DST: variants seen among roughly 807,000 people sequenced by gnomAD.
DST encodes bullous pemphigoid antigen.
DST carries 253 observed loss-of-function variants against 875.2 expected under a neutral mutation model. The observed-to-expected ratio is 0.29, with a 90% CI of 0.26 to 0.32. DST has a LOEUF of 0.32. Among genes scored for constraint, DST ranks in the 10% least tolerant of loss-of-function variants. DST has a pLI of 1.00. For missense variants in DST, 8,287 were observed against 9,111.6 expected (o/e 0.91, Z 3.68); for synonymous variants, 3,124 against 3,197.1 (o/e 0.98, Z 0.77).
chr6:56,883,564 C>G (rs961572109), intron 3 of DST, among the ~76,000 whole-genome samples: 13 of 152,170 alleles, frequency 8.5e-5, no homozygotes, highest in Admixed American at 5.9e-4. Context: ...TTTAGGCTTA[C>G]TCTACGGAAA....
chr6:56,601,051 C>T (rs757132655), intron 44 of DST, among the ~76,000 whole-genome samples: 2 of 152,006 alleles, frequency 1.3e-5, no homozygotes, highest in Non-Finnish European at 2.9e-5. Context: ...GATGTGAAAT[C>T]AGGCAATCTA....
intron 5 of DST, among the ~76,000 whole-genome samples, chr6:56,707,354 C>T (rs757743927): frequency 6.6e-6 from 1 of 152,160 alleles, no homozygotes; most frequent in Non-Finnish European, 1.5e-5. Flanking sequence ...TTCAATATAA[C>T]CAGAAAGCAG....
At chr6:56,934,560 T>TTTTTATA (rs869186436) in intron 2 of DST, among the ~76,000 whole-genome samples, 4 of 106,484 alleles carry the variant, frequency 3.8e-5, no homozygotes, top group African/African-American at 1.4e-4. Context: ...ATATATTATA[T>TTTTTATA]TATATATATA....
intron 16 of DST, 118 bp downstream of exon 16, chr6:56,642,292 T>C (rs541051454): frequency 1.6e-5 from 14 of 899,408 alleles, no homozygotes; most frequent in Non-Finnish European, 2.4e-5. Flanking sequence ...TAACAAACTT[T>C]AAGTTTCAGT....
Position 56,700,410 on chromosome 6 carries a change from T to G in DST, c.955-665A>C, listed in dbSNP as rs1238064590. ...TTGAGATCTTAAAATTAGAAAAAAT[T>G]TTGTCTTTTAAAAATAAATTTTATT... On this transcript the variant is annotated intron_variant, in intron 8 of 103. Transcript: ENST00000680361. Among the ~76,000 whole-genome samples the G allele has an allele frequency of 2.0e-5, 3 of 152,218 alleles. No individual in the cohort carries two copies. In the East Asian group the frequency reaches 5.8e-4, roughly 29 times the overall value.
chr6:56,620,622 C>G, intron 36 of DST: 1 of 1,614,104 alleles, frequency 6.2e-7, no homozygotes, highest in Non-Finnish European at 8.5e-7. Flanking sequence ...CTTATCTTTC[C>G]TGTAAGTTTG....
chr6:56,637,583 G>T (rs562000065), intron 22 of DST, among the ~76,000 whole-genome samples: 12 of 152,024 alleles, frequency 7.9e-5, no homozygotes, highest in African/African-American at 2.9e-4. Context: ...GTGTAATTCT[G>T]GAATTATAAT....
rs2094256209 is a variant in DST, at chr6:56,460,159, T to A, written c.23166A>T (p.Ala7722=). 1 of 1,613,836 alleles carries A rather than the reference T, an allele frequency of 6.2e-7. No homozygotes were observed. The highest frequency in any genetic ancestry group is 2.2e-5 in the East Asian group (1 of 44,880). Residue 7722 remains alanine (A), a synonymous_variant, in exon 103 of 104, where the codon GCA becomes GCT. Transcript: ENST00000680361. The part of the protein sequence containing the change: ...SGEDSGLITT[A]AARVRTQFAD... ...CAAACTGTGTTCGGACTCTGGCAGC[T>A]GCAGTTGTTATCAAGCCACTGTCCT...
At chr6:56,643,934 T>C (rs902501509) in intron 15 of DST, among the ~76,000 whole-genome samples, 2 of 152,242 alleles carry the variant, frequency 1.3e-5, no homozygotes, top group African/African-American at 2.4e-5. Flanking sequence ...ACTCATCTCA[T>C]ACTCATAACC....
intron 36 of DST, chr6:56,618,021 C>T (rs1390801517): frequency 1.2e-5 from 19 of 1,614,060 alleles, no homozygotes. Flanking sequence ...AGTTCCATTT[C>T]ACATGCGTTA....
chr6:56,520,937 A>T (rs762403074), intron 69 of DST, among the ~76,000 whole-genome samples: 5 of 152,088 alleles, frequency 3.3e-5, no homozygotes, highest in Admixed American at 6.6e-5. Context: ...AAAATTTAAT[A>T]TCGTCAAGTT....
chr6:56,611,622 A>C, intron 37 of DST, 26 bp from the exon 38 acceptor site: 1 of 1,478,978 alleles, frequency 6.8e-7, no homozygotes, highest in African/African-American at 1.4e-5. Context: ...GGCACATTCA[A>C]ACTCTTCCTC....
intron 4 of DST, among the ~76,000 whole-genome samples, chr6:56,767,363 T>C (rs2099636152): frequency 6.6e-6 from 1 of 152,112 alleles, no homozygotes; most frequent in Non-Finnish European, 1.5e-5. Flanking sequence ...ACATCTGTAA[T>C]CCCAACACTT....
rs200382338 is a variant in DST, at chr6:56,619,967, T to A, written c.4929+4563A>T. On this transcript the variant is annotated intron_variant, in intron 36 of 103. Coordinates refer to ENST00000680361, the MANE Select transcript of DST (RefSeq NM_001374736.1). Reference sequence around the variant, plus strand: ...GAGTTCTTCTGCTTTCTGCTTGTCATGTTCTTGCTGGAGACCCGTTACTGC... The same window carrying A: ...GAGTTCTTCTGCTTTCTGCTTGTCAAGTTCTTGCTGGAGACCCGTTACTGC... 21 of 1,614,148 alleles carry A rather than the reference T, an allele frequency of 1.3e-5. No individual in the cohort carries two copies. The East Asian group carries it at 4.2e-4, about 33-fold the overall frequency.
rs746870692 is a variant in DST, at chr6:56,608,178, T to C, written c.6450A>G (p.Leu2150=). 4.2e-5 allele frequency: 67 copies of C among 1,613,650 alleles called. No individual in the cohort carries two copies. Among genetic ancestry groups the C allele is most frequent in the Non-Finnish European group, 5.4e-5 (64 of 1,179,760 alleles). ...NITLPDKMPD[L]GDLEACKNAR... The stretch of plus-strand genomic sequence containing the variant: ...CATTTTTACAAGCTTCTAAATCTCC[T>C]AAATCTGGCATTTTATCAGGCAGTG... Residue 2150 remains leucine (L), a synonymous_variant, in exon 40 of 104, where the codon TTA becomes TTG. Transcript: ENST00000680361.
intron 3 of DST, among the ~76,000 whole-genome samples, chr6:56,899,369 G>A (rs1393176055): frequency 6.6e-6 from 1 of 151,704 alleles, no homozygotes; most frequent in South Asian, 2.1e-4. Context: ...TTTTCAATTG[G>A]TTATGATAAA....
At chr6:56,837,588 T>C (rs185117177) in intron 4 of DST, among the ~76,000 whole-genome samples, 93 of 152,286 alleles carry the variant, frequency 6.1e-4, no homozygotes, top group African/African-American at 2.0e-3. Flanking sequence ...CACTCAAGAT[T>C]GCTTTCAATC....
rs1238175534 is a variant in DST at position 56,552,363 on chromosome 6, G to A, written c.16429C>T (p.Leu5477=). 1.9e-6 allele frequency: 3 copies of A among 1,613,972 alleles called. No individual in the cohort carries two copies. Among genetic ancestry groups the A allele is most frequent in the Non-Finnish European group, 2.5e-6 (3 of 1,179,890 alleles). ...TCTTCTCTGGCTTGGGCTCGGTCCAGTAACTTGTTGCATTGTTTGCTTAAG... is the reference window on the plus strand; with the variant it reads ...TCTTCTCTGGCTTGGGCTCGGTCCAATAACTTGTTGCATTGTTTGCTTAAG... ...EALSKQCNKL[L]DRAQAREEQV... The change falls in exon 61 of 104, where the codon CTG becomes TTG. Residue 5477 remains leucine (L), a synonymous_variant. Transcript: ENST00000680361.
chr6:56,782,704 T>G (rs2099696572), intron 4 of DST, among the ~76,000 whole-genome samples: 1 of 152,188 alleles, frequency 6.6e-6, no homozygotes, highest in South Asian at 2.1e-4. Flanking sequence ...TTTGAAGGGT[T>G]TTTTGTGTCT....
Sources: gnomAD v4.1 joint callset for allele counts (sites outside exome capture counted in the v4.1 genomes callset) on GRCh38, gnomAD v4.1.1 for gene constraint, MANE v1.5 for transcripts, NCBI Gene and HGNC (gene_info 2026-07-23, HGNC 2026-07-21) for gene names.